Variants in RIF1 observed in about 807,000 individuals in gnomAD.
RIF1 encodes replication timing regulatory factor 1, also known as telomere-associated protein RIF1.
A neutral mutation model predicts 247.1 loss-of-function variants in RIF1; 45 were observed. The observed-to-expected ratio is 0.18, with a 90% CI of 0.14 to 0.23. RIF1 has a LOEUF of 0.23. Ranked by LOEUF, RIF1 falls within the 10% of genes least tolerant of loss-of-function variation. The pLI is 1.00. For missense variants in RIF1, 2,967 were observed against 2,862.5 expected, an observed-to-expected ratio of 1.04 and a Z score of -0.83; for synonymous variants, 1,087 against 978.8, an observed-to-expected ratio of 1.11 and a Z score of -2.06.
chr2:151,499,362 C>T, exon 11 of RIF1: 1 of 1,545,654 alleles, frequency 6.5e-7, no homozygotes, highest in Non-Finnish European at 8.7e-7. Context: ...GATTGGAATC[C>T]CTTTTCCAAC....
At chr2:151,493,461 G>T in intron 9 of RIF1, 1 of 1,523,120 alleles carries the variant, frequency 6.6e-7, no homozygotes, top group Middle Eastern at 1.7e-4. Flanking sequence ...GAAGCCAAAA[G>T]AGCATCTAGG....
chr2:151,422,320 G>T (rs1382098692), intron 7 of RIF1, among the ~76,000 whole-genome samples: 1 of 152,024 alleles, frequency 6.6e-6, no homozygotes, highest in East Asian at 1.9e-4. Flanking sequence ...CATTTTTAGG[G>T]TAAAGTATAT....
chr2:151,435,830 A>G (rs970320969), intron 11 of RIF1, among the ~76,000 whole-genome samples: 1 of 151,402 alleles, frequency 6.6e-6, no homozygotes, highest in Non-Finnish European at 1.5e-5. Flanking sequence ...GAAGAGACGG[A>G]TGTTTTTTCA....
chr2:151,477,859 GC>G lies in RIF1; in HGVS notation c.*2790del, dbSNP rs2049006251. The G allele has an allele frequency of 6.6e-6, 1 of 152,288 alleles. No homozygotes were observed. The highest frequency in any genetic ancestry group is 1.5e-5 in the Non-Finnish European group (1 of 68,176). The allele number at this position is 152,288 out of a possible 1,614,324, so 9.4% of individuals were successfully genotyped here. A position where few individuals can be genotyped will look rare whatever the true frequency, so the allele number is the denominator to read the frequency against. Reference sequence around the variant, plus strand: ...CAAATAGCTGGGATTACAGGTGCCTGCCACCACCACTGGTTAATTTTTGTAT... The same window carrying G: ...CAAATAGCTGGGATTACAGGTGCCTGCACCACCACTGGTTAATTTTTGTAT... On this transcript the variant is annotated 3_prime_UTR_variant, in exon 36 of 36. Coordinates refer to ENST00000444746, the MANE Select transcript of RIF1 (RefSeq NM_018151.5).
intron 1 of RIF1, 59 bp from the exon 2 acceptor site, chr2:151,410,355 C>G: frequency 2.8e-6 from 4 of 1,410,496 alleles, no homozygotes; most frequent in Non-Finnish European, 3.9e-6. Flanking sequence ...CACACTGGGC[C>G]GCCGCGGGGC....
intron 11 of RIF1, among the ~76,000 whole-genome samples, chr2:151,500,332 C>CCAT (rs1217081325): frequency 6.6e-6 from 1 of 152,000 alleles, no homozygotes; most frequent in Admixed American, 6.6e-5. Context: ...AGAAAAAAAT[C>CCAT]CATCTAAATT....
downstream of RIF1, among the ~76,000 whole-genome samples, chr2:151,511,912 A>T (rs1239772315): frequency 2.0e-5 from 3 of 151,830 alleles, no homozygotes; most frequent in Non-Finnish European, 2.9e-5. Context: ...GAGATTTTAC[A>T]TGTTAAAATA....
chr2:151,411,929 G>C (rs528672007), intron 3 of RIF1, among the ~76,000 whole-genome samples: 1 of 152,306 alleles, frequency 6.6e-6, no homozygotes, highest in Admixed American at 6.5e-5. Context: ...AAGTTGCCTA[G>C]GGGCACTTGA....
chr2:151,519,719 T>C, the RIF1 span: 2 of 1,613,486 alleles, frequency 1.2e-6, no homozygotes, highest in Non-Finnish European at 1.7e-6. Flanking sequence ...TTTTGGATTG[T>C]ATTTTGGTGT....
At chr2:151,418,791 C>T (rs1467079282) in intron 6 of RIF1, among the ~76,000 whole-genome samples, 1 of 151,912 alleles carries the variant, frequency 6.6e-6, no homozygotes, top group Non-Finnish European at 1.5e-5. Context: ...TTGAGAATCA[C>T]TTGCACCCGG....
At chr2:151,410,733 T>C (rs2152056805) in intron 2 of RIF1, among the ~76,000 whole-genome samples, 1 of 152,240 alleles carries the variant, frequency 6.6e-6, no homozygotes, top group South Asian at 2.1e-4. Context: ...TTGAGGTGTG[T>C]GTTTGGAACG....
chr2:151,514,383 G>A, the RIF1 span: 1 of 1,613,764 alleles, frequency 6.2e-7, no homozygotes, highest in South Asian at 1.1e-5. Context: ...ATTTCAGTGA[G>A]GCCCTTCCCA....
the RIF1 span, chr2:151,514,941 G>A: frequency 6.7e-7 from 1 of 1,496,488 alleles, no homozygotes; most frequent in East Asian, 2.4e-5. Flanking sequence ...AATGTAAGTA[G>A]GAAGGAAAGA....
rs752528460 is a variant in RIF1 at position 151,463,981 on chromosome 2, G to A, written c.4461G>A (p.Glu1487=). ...NLIEKGSNLH[E]KTLGETSANA... is the part of the protein sequence containing the mutation. ...TTGAGAAAGGAAGTAATTTACATGA[G>A]AAGACTCTTGGGGAAACTAGTGCTA... is the stretch of plus-strand genomic sequence containing the variant. Residue 1487 remains glutamate, a synonymous_variant, in exon 30 of 36, where the codon GAG becomes GAA. Transcript: ENST00000444746. 8 of 1,608,514 alleles carry A rather than the reference G, an allele frequency of 5.0e-6. No individual in the cohort carries two copies. The highest frequency in any genetic ancestry group is 1.3e-5 in the African/African-American group (1 of 74,290).
the RIF1 span, chr2:151,529,246 G>A: frequency 6.2e-7 from 1 of 1,613,498 alleles, no homozygotes; most frequent in Non-Finnish European, 8.5e-7. Context: ...TGGCTGCTTT[G>A]ATATGAACAG....
At chr2:151,493,525 C>G in intron 9 of RIF1, 1 of 916,262 alleles carries the variant, frequency 1.1e-6, no homozygotes, top group South Asian at 1.8e-5. Flanking sequence ...GGTGTTATGG[C>G]TCATGTTATG....
At chr2:151,514,690 G>C in the RIF1 span, 1 of 694,384 alleles carries the variant, frequency 1.4e-6, no homozygotes, top group Non-Finnish European at 2.4e-6. Context: ...GTAGTACCAA[G>C]CACATGAGAA....
intron 21 of RIF1, among the ~76,000 whole-genome samples, chr2:151,453,469 TG>T (rs1694673295): frequency 6.7e-6 from 1 of 149,032 alleles, no homozygotes; most frequent in Non-Finnish European, 1.5e-5. Context: ...CCCAGCTACT[TG>T]GGAATCTGAG....
rs2048783295 is a variant in RIF1 at position 151,474,009 on chromosome 2, G to GA, written c.7147dup (p.Thr2383AsnfsTer8). 6.3e-7 allele frequency: 1 copy of GA among 1,598,134 alleles called. No individual in the cohort carries two copies. On this transcript the variant is annotated frameshift_variant, in exon 35 of 36. Transcript: ENST00000444746. LOFTEE classifies it high-confidence loss of function. Reference sequence around the variant, plus strand: ...AGAGATTCCAGTTTTTGATATTTCTGAAAAAACAGTAAATGGAATAGAAAA... The same window carrying GA: ...AGAGATTCCAGTTTTTGATATTTCTGAAAAAAACAGTAAATGGAATAGAAAA...
Sources: gnomAD v4.1 joint callset for allele counts (sites outside exome capture counted in the v4.1 genomes callset) on GRCh38, gnomAD v4.1.1 for gene constraint, MANE v1.5 for transcripts, NCBI Gene and HGNC (gene_info 2026-07-23, HGNC 2026-07-21) for gene names.